The following SGCD variants were observed in gnomAD, a reference collection of about 807,000 sequenced individuals.
The protein encoded by SGCD is sarcoglycan delta, also known as delta-sarcoglycan.
SGCD carries 18 observed loss-of-function variants against 36.6 expected under a neutral mutation model. The observed-to-expected ratio is 0.49, with a 90% CI of 0.34 to 0.73. The LOEUF (loss-of-function observed/expected upper bound fraction) is 0.73, where lower values mean the gene tolerates loss of function less well. Ranked by LOEUF, SGCD falls within the 30% of genes least tolerant of loss-of-function variation. The probability of loss-of-function intolerance (pLI) is 0.01; values close to 1 mark genes in which losing one functional copy is unlikely to be tolerated. For missense variants in SGCD, 387 were observed against 346.7 expected (o/e 1.12, Z -0.92); for synonymous variants, 133 against 130.6 (o/e 1.02, Z -0.12).
intron 3 of SGCD, among the ~76,000 whole-genome samples, chr5:156,130,278 A>T (rs940784881): frequency 2.0e-5 from 3 of 152,070 alleles, no homozygotes; most frequent in African/African-American, 7.2e-5. Flanking sequence ...TTTTGGCCAC[A>T]TGTATTTCTT....
At chr5:156,103,023 C>T (rs1370745214) in intron 1 of SGCD, among the ~76,000 whole-genome samples, 1 of 152,142 alleles carries the variant, frequency 6.6e-6, no homozygotes, top group Admixed American at 6.5e-5. Flanking sequence ...TACCCCAAAG[C>T]CATATCTTCC....
At chr5:156,189,114 C>A (rs148607128) in intron 3 of SGCD, among the ~76,000 whole-genome samples, 1 of 152,176 alleles carries the variant, frequency 6.6e-6, no homozygotes, top group South Asian at 2.1e-4. Context: ...TGGGTTCAGC[C>A]AGGAAGAAGA....
At chr5:155,984,822 G>A (rs892985821) in intron 1 of SGCD, among the ~76,000 whole-genome samples, 12 of 152,204 alleles carry the variant, frequency 7.9e-5, no homozygotes, top group East Asian at 1.9e-4. Flanking sequence ...CTCCCCCTCC[G>A]TTTTATTCAT....
At chr5:156,687,845 A>G (rs1034080454) in intron 7 of SGCD, among the ~76,000 whole-genome samples, 26 of 152,310 alleles carry the variant, frequency 1.7e-4, no homozygotes, top group African/African-American at 5.8e-4. Context: ...GGGAGAATGG[A>G]TGGTAACCAT....
chr5:156,025,036 T>C (rs1759197226), intron 1 of SGCD, among the ~76,000 whole-genome samples: 2 of 152,174 alleles, frequency 1.3e-5, no homozygotes, highest in African/African-American at 4.8e-5. Context: ...TAGATTATAC[T>C]GGAGTAACAA....
intron 3 of SGCD, among the ~76,000 whole-genome samples, chr5:156,295,946 C>T (rs909918595): frequency 2.0e-5 from 3 of 152,104 alleles, no homozygotes; most frequent in Admixed American, 1.3e-4. Flanking sequence ...GAGCATGCCT[C>T]GCAGGGCCAG....
At chr5:155,735,559 G>T in the SGCD span, among the ~76,000 whole-genome samples, 1 of 152,312 alleles carries the variant, frequency 6.6e-6, no homozygotes, top group East Asian at 1.9e-4. Flanking sequence ...GAATGCCAGT[G>T]GTTTCTGGCT....
rs1297019314 is a variant in SGCD, at chr5:156,285,943, C to T, written c.-43-43591C>T. On this transcript the variant is annotated intron_variant, in intron 3 of 9. Coordinates refer to the SGCD transcript ENST00000517913. ...TACTCATCTGACAAAGGGCTAATAT[C>T]CAGAATCTACAATGAACTCCAACAA... Among the ~76,000 whole-genome samples, 4 of 152,104 alleles carry T rather than the reference C, an allele frequency of 2.6e-5. No individual in the cohort carries two copies. In the East Asian group the frequency reaches 5.8e-4, roughly 22 times the overall value.
intron 3 of SGCD, among the ~76,000 whole-genome samples, chr5:156,444,291 C>G (rs115133413): frequency 1.0e-3 from 158 of 151,784 alleles, no homozygotes; most frequent in African/African-American, 3.6e-3. Context: ...AGAAGAATGA[C>G]TGTAACTGTC....
In SGCD at chr5:156,759,277, A is replaced by G; in HGVS notation, c.760A>G (p.Thr254Ala). 2 of 1,613,334 alleles carry G rather than the reference A, an allele frequency of 1.2e-6. No individual in the cohort carries two copies. Residue 254 changes from threonine (T) to alanine (A), a missense_variant, in exon 9 of 9, where the codon ACA becomes GCA. Transcript: ENST00000337851. The stretch of plus-strand genomic sequence containing the variant: ...ACTGCCTCATGGATCCTACACGCCT[A>G]CAGGAACGAGGCAGAAGGTCTTCGA... ...PRLPHGSYTP[T>A]GTRQKVFEIC...
At chr5:156,256,492 C>T (rs1055554875) in intron 3 of SGCD, among the ~76,000 whole-genome samples, 1 of 152,108 alleles carries the variant, frequency 6.6e-6, no homozygotes, top group Non-Finnish European at 1.5e-5. Flanking sequence ...ATCCAGTTGT[C>T]GCATCTATCA....
At chr5:155,873,582 A>G (rs540832650) in intron 1 of SGCD, among the ~76,000 whole-genome samples, 6 of 152,302 alleles carry the variant, frequency 3.9e-5, no homozygotes, top group African/African-American at 1.4e-4. Context: ...TACAATGCAC[A>G]CTATTCAGGT....
chr5:156,487,381 A>G (rs1275392274), intron 3 of SGCD, among the ~76,000 whole-genome samples: 1 of 152,246 alleles, frequency 6.6e-6, no homozygotes, highest in East Asian at 1.9e-4. Flanking sequence ...GCCAAGACAT[A>G]AAATAAGAAA....
intron 6 of SGCD, among the ~76,000 whole-genome samples, chr5:156,605,217 C>T (rs949452962): frequency 2.0e-5 from 3 of 152,048 alleles, no homozygotes; most frequent in African/African-American, 7.3e-5. Context: ...CACCCAACAA[C>T]AGGCCTCGGT....
chr5:155,963,182 C>T (rs191880518), intron 1 of SGCD, among the ~76,000 whole-genome samples: 145 of 152,144 alleles, frequency 9.5e-4, no homozygotes, highest in Middle Eastern at 6.8e-3. Flanking sequence ...CCACTGTGCC[C>T]GGATCTTCAG....
At chr5:156,460,530 C>T (rs1326210604) in intron 3 of SGCD, among the ~76,000 whole-genome samples, 1 of 152,086 alleles carries the variant, frequency 6.6e-6, no homozygotes, top group Non-Finnish European at 1.5e-5. Context: ...GACAGAGAGA[C>T]CAGACAGTGA....
At chr5:156,069,059 C>G (rs1760442727) in intron 1 of SGCD, among the ~76,000 whole-genome samples, 1 of 152,162 alleles carries the variant, frequency 6.6e-6, no homozygotes, top group South Asian at 2.1e-4. Context: ...AAAATTTTCT[C>G]CCATTCTGTA....
chr5:156,238,662 G>C (rs1161578641), intron 3 of SGCD, among the ~76,000 whole-genome samples: 1 of 152,070 alleles, frequency 6.6e-6, no homozygotes, highest in East Asian at 1.9e-4. Flanking sequence ...GACTGTATTG[G>C]AAAGCACATT....
chr5:156,757,570 G>A lies in SGCD; in HGVS notation c.576-11G>A, dbSNP rs1305012762. Reference sequence around the variant, plus strand: ...AAGGGATCTTTATTGACGATCTTGGGTGTTTTTCAGGTTGGAGTCCCCAAC... The same window carrying A: ...AAGGGATCTTTATTGACGATCTTGGATGTTTTTCAGGTTGGAGTCCCCAAC... On this transcript the variant is annotated splice_polypyrimidine_tract_variant and intron_variant, in intron 7 of 8. Transcript: ENST00000337851. 2.6e-6 allele frequency: 4 copies of A among 1,539,704 alleles called. No homozygotes were observed. Among genetic ancestry groups the A allele is most frequent in the Middle Eastern group, 1.7e-4 (1 of 5,882 alleles).
Sources: allele counts gnomAD v4.1 joint callset (sites outside exome capture counted in the v4.1 genomes callset), GRCh38; gene constraint gnomAD v4.1.1; transcripts MANE v1.5; gene names NCBI Gene and HGNC (gene_info 2026-07-23, HGNC 2026-07-21).